The following MAPKAPK5 variants were observed in gnomAD, a reference collection of about 807,000 sequenced individuals.
The protein encoded by MAPKAPK5 is MAPK activated protein kinase 5.
Under a neutral mutation model 65.1 loss-of-function variants are expected in MAPKAPK5, and 30 were observed. That is an observed-to-expected ratio of 0.46 (90% CI 0.34 to 0.63). The LOEUF is 0.63. Among genes scored for constraint, MAPKAPK5 ranks in the 20% least tolerant of loss-of-function variants. MAPKAPK5 has a pLI of 0.01. For missense variants in MAPKAPK5, 433 were observed against 581.4 expected, an observed-to-expected ratio of 0.74 and a Z score of 2.63; for synonymous variants, 179 against 204.6, an observed-to-expected ratio of 0.87 and a Z score of 1.07.
In MAPKAPK5 at chr12:111,896,190, T is replaced by G. The variant is rs2070807419; in HGVS notation, c.*3129T>G. 6.6e-6 allele frequency: 1 copy of G among 152,234 alleles called. No individual in the cohort carries two copies. 9.4% of individuals were successfully genotyped at this position (152,234 alleles called of 1,614,324 possible). A position where few individuals can be genotyped will look rare whatever the true frequency, so the allele number is the denominator to read the frequency against. On this transcript the variant is annotated 3_prime_UTR_variant, in exon 14 of 14. Coordinates refer to ENST00000550735, the MANE Select transcript of MAPKAPK5 (RefSeq NM_003668.4). ...CTTCTAAAAAGGCTCAGGATGATTA[T>G]TTTTTCCTTCAGTGTATGCTGAATT...
chr12:111,859,538 A>G (rs889524053), intron 1 of MAPKAPK5, among the ~76,000 whole-genome samples: 1 of 152,212 alleles, frequency 6.6e-6, no homozygotes, highest in Non-Finnish European at 1.5e-5. Context: ...TGCTGGGATT[A>G]TAGGCGTGAG....
At chr12:111,865,701 T>G (rs1304719322) in intron 2 of MAPKAPK5, among the ~76,000 whole-genome samples, 1 of 151,602 alleles carries the variant, frequency 6.6e-6, no homozygotes, top group Non-Finnish European at 1.5e-5. Context: ...CCAGGTGTGG[T>G]GGTGGGTGCC....
At chr12:111,853,576 C>A (rs937099139) in intron 1 of MAPKAPK5, among the ~76,000 whole-genome samples, 3 of 151,914 alleles carry the variant, frequency 2.0e-5, no homozygotes, top group African/African-American at 7.3e-5. Context: ...TCTCTGTTGC[C>A]CAGGCTGGAG....
In MAPKAPK5 at chr12:111,900,155, A is replaced by G. The variant is rs2070979332; in HGVS notation, c.*7094A>G. 2 of 455,930 alleles carry G rather than the reference A, an allele frequency of 4.4e-6. No individual in the cohort carries two copies. The highest frequency in any genetic ancestry group is 3.1e-5 in the South Asian group (2 of 64,552). The allele number at this position is 455,930 out of a possible 1,614,324, so 28.2% of individuals were successfully genotyped here. ...TAATAGATGTCACAGTGGACTTGCA[A>G]ATCACACTCAGGAATTTCAATCACT... On this transcript the variant is annotated 3_prime_UTR_variant, in exon 14 of 14. Coordinates refer to ENST00000550735, the MANE Select transcript of MAPKAPK5 (RefSeq NM_003668.4).
At chr12:111,881,948 T>C (rs1187607640) in intron 8 of MAPKAPK5, among the ~76,000 whole-genome samples, 1 of 152,188 alleles carries the variant, frequency 6.6e-6, no homozygotes, top group East Asian at 1.9e-4. Flanking sequence ...ACCTGAGAGA[T>C]GACATGATCT....
At position 111,871,139 on chromosome 12, in the gene MAPKAPK5, T is replaced by G. The variant is rs1469564616; in HGVS notation, c.538T>G (p.Leu180Val). The G allele has an allele frequency of 6.2e-7, 1 of 1,613,772 alleles. No individual in the cohort carries two copies. Among genetic ancestry groups the G allele is most frequent in the African/African-American group, 1.3e-5 (1 of 74,888 alleles). Residue 180 changes from leucine to valine, a missense_variant, in exon 7 of 14, where the codon TTG (leucine) becomes GTG (valine). Leu to Val is a conservative substitution (Grantham distance 32, BLOSUM62 1). Around this residue, in one of 3 missense-constraint regions of MAPKAPK5, gnomAD observed 99 missense variants for 185.8 expected, o/e 0.53. Coordinates refer to ENST00000550735, the MANE Select transcript of MAPKAPK5 (RefSeq NM_003668.4). The part of the protein sequence containing the change: ...FGFAKIDQGD[L>V]MTPQFTPYYV... ...ATTTGCCAAGATTGACCAAGGTGAC[T>G]TGATGACACCCCAGTTCACCCCTTA...
At chr12:111,851,546 G>A (rs1285651175) in intron 1 of MAPKAPK5, among the ~76,000 whole-genome samples, 2 of 151,810 alleles carry the variant, frequency 1.3e-5, no homozygotes, top group African/African-American at 2.4e-5. Context: ...GGTTGGTCTC[G>A]AACTCCTGGC....
intron 13 of MAPKAPK5, among the ~76,000 whole-genome samples, chr12:111,891,209 C>G (rs969832449): frequency 2.0e-5 from 3 of 151,252 alleles, no homozygotes; most frequent in African/African-American, 7.3e-5. Flanking sequence ...TTCTCCCACC[C>G]CAGCCTCCCA....
chr12:111,883,852 C>T lies in MAPKAPK5; in HGVS notation c.848+84C>T, dbSNP rs2070316603. 1 of 1,401,814 alleles carries T rather than the reference C, an allele frequency of 7.1e-7. No homozygotes were observed. Among genetic ancestry groups the T allele is most frequent in the Non-Finnish European group, 9.6e-7 (1 of 1,040,558 alleles). 86.8% of individuals were successfully genotyped at this position (1,401,814 alleles called of 1,614,324 possible). A position where few individuals can be genotyped will look rare whatever the true frequency, so the allele number is the denominator to read the frequency against. On this transcript the variant is annotated intron_variant, in intron 9 of 13. Transcript: ENST00000550735. This position sits in a 1 kb window ranked among gnomAD's most constrained non-coding sequence, Gnocchi z 4.8. ...AGGGAATGTGGGTAGAGAAAAGTCA[C>T]TGGTTTCCTAGGCAGGCTCCTCCCC...
intron 10 of MAPKAPK5, chr12:111,887,666 C>G (rs2070448739): frequency 7.0e-6 from 1 of 143,116 alleles, no homozygotes; most frequent in Non-Finnish European, 1.5e-5. Context: ...CAGAGCAAGA[C>G]TCTCTCAAAA....
At chr12:111,882,444 G>A (rs1253227561) in intron 8 of MAPKAPK5, among the ~76,000 whole-genome samples, 1 of 152,182 alleles carries the variant, frequency 6.6e-6, no homozygotes, top group Non-Finnish European at 1.5e-5. Context: ...GCAGAGCACC[G>A]CACAGCTGTG....
At position 111,887,537 on chromosome 12, in the gene MAPKAPK5, G is replaced by T. The variant is rs2070442585; in HGVS notation, c.970-951G>T. On this transcript the variant is annotated intron_variant, in intron 10 of 13. Coordinates refer to ENST00000550735, the MANE Select transcript of MAPKAPK5 (RefSeq NM_003668.4). ...AAAATACAAAAATTAGCTGGGCGTG[G>T]TGGCATGCGCCTGTAATCCCAGCTA... 3.3e-5 allele frequency: 5 copies of T among 152,398 alleles called. No homozygotes were observed. The South Asian group carries it at 1.0e-3, about 32-fold the overall frequency. The allele number at this position is 152,398 out of a possible 1,614,324, so 9.4% of individuals were successfully genotyped here.
At chr12:111,892,260 C>A (rs955953155) in intron 13 of MAPKAPK5, among the ~76,000 whole-genome samples, 3 of 152,166 alleles carry the variant, frequency 2.0e-5, no homozygotes, top group Non-Finnish European at 4.4e-5. Context: ...GTGGTGAATA[C>A]TCTTGCGAAT....
Position 111,883,555 on chromosome 12 carries a change from G to GCTC in MAPKAPK5, c.661-26_661-25insCTC. The GCTC allele has an allele frequency of 6.2e-7, 1 of 1,607,300 alleles. No individual in the cohort carries two copies. Among genetic ancestry groups the GCTC allele is most frequent in the Non-Finnish European group, 8.5e-7 (1 of 1,176,144 alleles). On this transcript the variant is annotated intron_variant, in intron 8 of 13. Coordinates refer to ENST00000550735, the MANE Select transcript of MAPKAPK5 (RefSeq NM_003668.4). This position sits in a 1 kb window ranked among gnomAD's most constrained non-coding sequence, Gnocchi z 4.8. ...TTTGGGGGCTCTGCTTCTGCTGTGA[G>GCTC]TGACCATTTTCTTTTTTGCTTTCAG...
Position 111,895,591 on chromosome 12 carries a change from CTT to C in MAPKAPK5, c.*2531_*2532del, listed in dbSNP as rs2070780303. 3 of 139,426 alleles carry C rather than the reference CTT, an allele frequency of 2.2e-5. No homozygotes were observed. Among genetic ancestry groups the C allele is most frequent in the African/African-American group, 8.0e-5 (3 of 37,422 alleles). The allele number at this position is 139,426 out of a possible 1,614,324, so 8.6% of individuals were successfully genotyped here. On this transcript the variant is annotated 3_prime_UTR_variant, in exon 14 of 14. Transcript: ENST00000550735. ...TGTCCCCCAGGCTGGAGTGCAGTGG[CTT>C]GCTCTTGGCTCACTGCAACCTCTGC...
rs78754620 is a variant in MAPKAPK5, at chr12:111,858,224, C to T, written c.37-7026C>T. 2.0e-3 allele frequency among the ~76,000 whole-genome samples: 298 copies of T among 152,018 alleles called. 3 individuals are homozygous for T. Among genetic ancestry groups the T allele is most frequent in the Non-Finnish European group, 3.8e-3 (258 of 67,962 alleles). Reference sequence around the variant, plus strand: ...CTGGTCTTGTCTTTCAGTGTTTTGACTGTGGTATGTCTAGGTGTGGTTCTT... The same window carrying T: ...CTGGTCTTGTCTTTCAGTGTTTTGATTGTGGTATGTCTAGGTGTGGTTCTT... On this transcript the variant is annotated intron_variant, in intron 1 of 13. Coordinates refer to ENST00000550735, the MANE Select transcript of MAPKAPK5 (RefSeq NM_003668.4).
intron 7 of MAPKAPK5, among the ~76,000 whole-genome samples, chr12:111,871,484 A>G (rs1439651143): frequency 6.6e-6 from 1 of 152,080 alleles, no homozygotes; most frequent in Non-Finnish European, 1.5e-5. Flanking sequence ...ACTAAAAAAA[A>G]TATAAAAAAT....
rs570947343 is a variant in MAPKAPK5, at chr12:111,901,101, C to T, written c.*8040C>T. ...TCTCCAACATACAATGATTCAGGTC[C>T]CTCAGGGAGATGGCTCATGTTGGAG... On this transcript the variant is annotated 3_prime_UTR_variant, in exon 14 of 14. Transcript: ENST00000550735. 2 of 456,066 alleles carry T rather than the reference C, an allele frequency of 4.4e-6. No homozygotes were observed. The highest frequency in any genetic ancestry group is 4.0e-5 in the African/African-American group (2 of 50,190). The allele number at this position is 456,066 out of a possible 1,614,324, so 28.3% of individuals were successfully genotyped here. A position where few individuals can be genotyped will look rare whatever the true frequency, so the allele number is the denominator to read the frequency against.
rs190816708 is a variant in MAPKAPK5, at chr12:111,898,414, C to T, written c.*5353C>T. On this transcript the variant is annotated 3_prime_UTR_variant, in exon 14 of 14. Transcript: ENST00000550735. ...GAACTCCCGACCTCAGGTGATCCGC[C>T]TGCCTCGGCCTCCCAAAGTGCTGGG... The T allele has an allele frequency of 6.6e-6, 1 of 152,334 alleles. No individual in the cohort carries two copies. Among genetic ancestry groups the T allele is most frequent in the African/African-American group, 2.4e-5 (1 of 41,560 alleles). 9.4% of individuals were successfully genotyped at this position (152,334 alleles called of 1,614,324 possible).
Sources: gnomAD v4.1 joint callset for allele counts (sites outside exome capture counted in the v4.1 genomes callset) on GRCh38, gnomAD v4.1.1 for gene constraint, gnomAD v4.1.1 regional missense constraint, Gnocchi (gnomAD v3.1) non-coding constraint, MANE v1.5 for transcripts, NCBI Gene and HGNC (gene_info 2026-07-23, HGNC 2026-07-21) for gene names.